The following NRXN2 variants were observed in gnomAD, a reference collection of about 807,000 sequenced individuals.
NRXN2 encodes neurexin 2, also known as neurexin-2-beta.
NRXN2 carries 29 observed loss-of-function variants against 128.8 expected under a neutral mutation model. The observed-to-expected ratio is 0.23, with a 90% CI of 0.17 to 0.31. The LOEUF is 0.31. NRXN2 is among the 10% of genes least tolerant of loss of function. The probability of loss-of-function intolerance (pLI) is 1.00; values close to 1 mark genes in which losing one functional copy is unlikely to be tolerated. For missense variants in NRXN2, 1,881 were observed against 2,452.6 expected (o/e 0.77, Z 4.92); for synonymous variants, 1,098 against 1,075.2 (o/e 1.02, Z -0.41).
chr11:64,606,989 C>G lies in NRXN2; in HGVS notation c.*207G>C. On this transcript the variant is annotated 3_prime_UTR_variant, in exon 23 of 23. Coordinates refer to ENST00000265459, the MANE Select transcript of NRXN2 (RefSeq NM_015080.4). The stretch of plus-strand genomic sequence containing the variant: ...CAGAGCTGAGAGGGACAGTCAGCCC[C>G]GGGACTGACGAGGCCGCGCAGTGGA... The G allele has an allele frequency of 1.7e-6, 1 of 596,196 alleles. No homozygotes were observed. The highest frequency in any genetic ancestry group is 2.8e-5 in the East Asian group (1 of 35,460). The allele number at this position is 596,196 out of a possible 1,614,324, so 36.9% of individuals were successfully genotyped here.
rs201258323 is a variant in NRXN2 at position 64,667,484 on chromosome 11, G to A, written c.1564C>T (p.Arg522Cys). Residue 522 changes from arginine to cysteine, a missense_variant, in exon 9 of 23, where the codon CGC becomes TGC. By Grantham distance (180) the Arg-to-Cys change is radical. Transcript: ENST00000265459. This position sits in a 1 kb window ranked among gnomAD's most constrained non-coding sequence, Gnocchi z 5.6. ...AGCAGCCCATTGGGCTCGGTGGTGCGGAAGTCTAGGGAGATGGAGCCAGTG... is the reference window on the plus strand; with the variant it reads ...AGCAGCCCATTGGGCTCGGTGGTGCAGAAGTCTAGGGAGATGGAGCCAGTG... ...KRTGSISLDFRTTEPNGLLLF... is the reference protein window; with the variant it reads ...KRTGSISLDFCTTEPNGLLLF... 108 of 1,613,980 alleles carry A rather than the reference G, an allele frequency of 6.7e-5. No homozygotes were observed. Among genetic ancestry groups the A allele is most frequent in the South Asian group, 1.4e-4 (13 of 91,076 alleles).
At chr11:64,666,077 C>T (rs977445676) in intron 9 of NRXN2, among the ~76,000 whole-genome samples, 4 of 152,188 alleles carry the variant, frequency 2.6e-5, no homozygotes, top group African/African-American at 9.7e-5. Context: ...TGGTCTCCCA[C>T]CCCACACCAG....
intron 7 of NRXN2, among the ~76,000 whole-genome samples, chr11:64,669,433 G>C (rs886945409): frequency 6.6e-6 from 1 of 152,156 alleles, no homozygotes; most frequent in South Asian, 2.1e-4. Context: ...TTACTCCAGG[G>C]AGTCAGGGCC....
chr11:64,684,222 T>C (rs546778716), intron 6 of NRXN2, among the ~76,000 whole-genome samples: 98 of 152,228 alleles, frequency 6.4e-4, no homozygotes, highest in African/African-American at 2.3e-3. Context: ...GAGAGCAAAG[T>C]GAGCAGGAAG....
At chr11:64,618,744 G>C (rs149176546) in intron 22 of NRXN2, among the ~76,000 whole-genome samples, 15 of 152,300 alleles carry the variant, frequency 9.8e-5, no homozygotes, top group Non-Finnish European at 1.6e-4. Flanking sequence ...AGAGAGGAAG[G>C]CATCTGACCC....
intron 22 of NRXN2, among the ~76,000 whole-genome samples, chr11:64,611,921 C>T (rs1374576150): frequency 6.8e-6 from 1 of 148,080 alleles, no homozygotes; most frequent in Non-Finnish European, 1.5e-5. Flanking sequence ...TGCCATGACT[C>T]CCCCTCGGTG....
chr11:64,613,616 T>C (rs907297749), intron 22 of NRXN2, among the ~76,000 whole-genome samples: 1 of 152,158 alleles, frequency 6.6e-6, no homozygotes, highest in Non-Finnish European at 1.5e-5. Flanking sequence ...GGAGTGTGGA[T>C]TCCTAAAGCA....
At chr11:64,650,410 G>A in intron 15 of NRXN2, 38 bp downstream of exon 15, 3 of 1,610,498 alleles carry the variant, frequency 1.9e-6, no homozygotes, top group Non-Finnish European at 2.5e-6. Flanking sequence ...GGGGTATCTG[G>A]GCTAGGGCCA....
In NRXN2 at chr11:64,635,381, TG is replaced by T; in HGVS notation, c.3474del (p.Ser1159AlafsTer44). ...ITYTWPPNDR[P>X]STRMDRLAVG... ...ACGGCCAGGCGATCCATCCTCGTGCTGGGCCTGTCATTGGGGGGCCACGTGT... is the reference window on the plus strand; with the variant it reads ...ACGGCCAGGCGATCCATCCTCGTGCTGGCCTGTCATTGGGGGGCCACGTGT... On this transcript the variant is annotated frameshift_variant, in exon 18 of 23. Coordinates refer to ENST00000265459, the MANE Select transcript of NRXN2 (RefSeq NM_015080.4). LOFTEE classifies it high-confidence loss of function. The surrounding 1 kb of genome is among the most constrained non-coding windows in gnomAD (Gnocchi z 4.8). The T allele has an allele frequency of 6.2e-7, 1 of 1,613,826 alleles. No homozygotes were observed. Among genetic ancestry groups the T allele is most frequent in the Non-Finnish European group, 8.5e-7 (1 of 1,180,018 alleles).
chr11:64,607,594 C>CCAAGGGCGGGTTCTCCAG lies in NRXN2; in HGVS notation c.4723_4740dup (p.Leu1575_Leu1580dup). On this transcript the variant is annotated inframe_insertion, in exon 23 of 23. Transcript: ENST00000265459. Reference sequence around the variant, plus strand: ...TCAAAGGACGTGGGGGCCCCGGGCCCCAAGGGCGGGTTCTCCAGCAAGGGC... The same window carrying CCAAGGGCGGGTTCTCCAG: ...TCAAAGGACGTGGGGGCCCCGGGCCCCAAGGGCGGGTTCTCCAGCAAGGGCGGGTTCTCCAGCAAGGGC... The CCAAGGGCGGGTTCTCCAG allele has an allele frequency of 6.5e-7, 1 of 1,534,584 alleles. No homozygotes were observed. The highest frequency in any genetic ancestry group is 8.7e-7 in the Non-Finnish European group (1 of 1,143,718).
At chr11:64,643,640 G>C (rs2046160443) in intron 17 of NRXN2, among the ~76,000 whole-genome samples, 1 of 150,190 alleles carries the variant, frequency 6.7e-6, no homozygotes, top group Non-Finnish European at 1.5e-5. Flanking sequence ...GGGAGGAGGA[G>C]GGGGCAGGGC....
chr11:64,685,387 C>T (rs1460648838), intron 6 of NRXN2, among the ~76,000 whole-genome samples: 1 of 152,148 alleles, frequency 6.6e-6, no homozygotes, highest in African/African-American at 2.4e-5. Context: ...AATCTGAGCC[C>T]AGTCCTTCCC....
At chr11:64,696,966 C>G (rs2054633987) in intron 3 of NRXN2, among the ~76,000 whole-genome samples, 5 of 152,254 alleles carry the variant, frequency 3.3e-5, no homozygotes, top group Non-Finnish European at 7.4e-5. Flanking sequence ...ATGACAGAAA[C>G]CCAGAGAGAG....
intron 15 of NRXN2, among the ~76,000 whole-genome samples, chr11:64,650,126 A>C (rs1181220057): frequency 6.6e-6 from 1 of 151,932 alleles, no homozygotes; most frequent in African/African-American, 2.4e-5. Flanking sequence ...CCCTCAACCA[A>C]CATAGGCTTC....
At chr11:64,694,469 C>T (rs571206950) in intron 3 of NRXN2, among the ~76,000 whole-genome samples, 4 of 152,330 alleles carry the variant, frequency 2.6e-5, no homozygotes, top group Admixed American at 2.0e-4. Flanking sequence ...GCCTGGACCC[C>T]GTGGCAGATG....
intron 5 of NRXN2, among the ~76,000 whole-genome samples, chr11:64,686,624 T>C (rs1012290292): frequency 6.6e-6 from 1 of 152,238 alleles, no homozygotes; most frequent in African/African-American, 2.4e-5. Flanking sequence ...CTCACATGGG[T>C]GGCCACAGCC....
At chr11:64,626,402 T>C in intron 20 of NRXN2, 61 bp downstream of exon 20, 6 of 1,351,426 alleles carry the variant, frequency 4.4e-6, no homozygotes, top group Non-Finnish European at 6.3e-6. Flanking sequence ...GAGAGAGCTC[T>C]GCACCTTTAA....
chr11:64,623,150 A>G lies in NRXN2; in HGVS notation c.3848-72T>C. On this transcript the variant is annotated intron_variant, in intron 20 of 22. Transcript: ENST00000265459. This position sits in a 1 kb window ranked among gnomAD's most constrained non-coding sequence, Gnocchi z 4.9. ...GGAGACCAGGAAGGGAAGGAAGAAA[A>G]GAAGGAAGCCAAGGAGAGGAAAGAG... 6.6e-7 allele frequency: 1 copy of G among 1,524,626 alleles called. No homozygotes were observed. The highest frequency in any genetic ancestry group is 2.4e-5 in the East Asian group (1 of 42,404). 94.4% of individuals were successfully genotyped at this position (1,524,626 alleles called of 1,614,324 possible).
intron 22 of NRXN2, among the ~76,000 whole-genome samples, chr11:64,615,871 T>A (rs1439612472): frequency 1.2e-5 from 1 of 86,352 alleles, no homozygotes; most frequent in Non-Finnish European, 2.4e-5. Context: ...TGTGTGTGTA[T>A]GTGTATACCT....
Sources: allele counts gnomAD v4.1 joint callset (sites outside exome capture counted in the v4.1 genomes callset), GRCh38; gene constraint gnomAD v4.1.1; non-coding constraint Gnocchi (gnomAD v3.1); transcripts MANE v1.5; gene names NCBI Gene and HGNC (gene_info 2026-07-23, HGNC 2026-07-21).